Variants in TEX14 observed in about 807,000 individuals in gnomAD.
TEX14 encodes testis expressed 14, intercellular bridge forming factor, also known as inactive serine/threonine-protein kinase TEX14.
TEX14 carries 168 observed loss-of-function variants against 178.6 expected under a neutral mutation model. That is an observed-to-expected ratio of 0.94 (90% CI 0.83 to 1.07). The LOEUF (loss-of-function observed/expected upper bound fraction) is 1.07. Ranked by LOEUF, TEX14 falls within the 50% of genes least tolerant of loss-of-function variation. The pLI, the probability that TEX14 is intolerant of heterozygous loss-of-function variation, is 0.00. For missense variants in TEX14, 1,730 were observed against 1,753.6 expected (o/e 0.99, Z 0.24); for synonymous variants, 626 against 634.1 (o/e 0.99, Z 0.19).
chr17:58,661,020 A>C, intron 1 of TEX14: 2 of 1,152,426 alleles, frequency 1.7e-6, no homozygotes, highest in Non-Finnish European at 2.6e-6. Flanking sequence ...AGAAGATAAT[A>C]TTCACGAACA....
intron 10 of TEX14, among the ~76,000 whole-genome samples, chr17:58,610,615 G>A (rs1309049622): frequency 6.6e-6 from 1 of 152,224 alleles, no homozygotes; most frequent in African/African-American, 2.4e-5. Flanking sequence ...GCCAGGCGCA[G>A]TGGATCACAC....
intron 1 of TEX14, among the ~76,000 whole-genome samples, chr17:58,658,546 T>C (rs1232488264): frequency 1.8e-5 from 2 of 110,758 alleles, no homozygotes; most frequent in African/African-American, 7.5e-5. Context: ...TGCGCCACCA[T>C]GCCTGGCTAA....
intron 10 of TEX14, among the ~76,000 whole-genome samples, chr17:58,608,796 A>G (rs2045676927): frequency 6.6e-6 from 1 of 152,196 alleles, no homozygotes; most frequent in Non-Finnish European, 1.5e-5. Context: ...AAGTGACTTT[A>G]AAAGGCTAAA....
chr17:58,572,142 G>A lies in TEX14; in HGVS notation c.3512-16C>T, dbSNP rs758670215. 16 of 1,584,044 alleles carry A rather than the reference G, an allele frequency of 1.0e-5. No individual in the cohort carries two copies. Among genetic ancestry groups the A allele is most frequent in the Admixed American group, 1.7e-5 (1 of 59,348 alleles). On this transcript the variant is annotated splice_polypyrimidine_tract_variant and intron_variant, in intron 23 of 31. Coordinates refer to ENST00000349033, the MANE Select transcript of TEX14 (RefSeq NM_031272.5). ...GAAACGGACCCTGTTGGAGAAAAGC[G>A]GAAGGTTACTGTCTGAATCCTTTAT...
intron 2 of TEX14, among the ~76,000 whole-genome samples, chr17:58,637,828 TAAG>T (rs2046471350): frequency 6.6e-6 from 1 of 151,234 alleles, no homozygotes; most frequent in Non-Finnish European, 1.5e-5. Context: ...CAGTCAATCA[TAAG>T]AAGTATAGGT....
At chr17:58,558,714 C>A (rs1340390335) in intron 30 of TEX14, among the ~76,000 whole-genome samples, 1 of 152,032 alleles carries the variant, frequency 6.6e-6, no homozygotes, top group East Asian at 1.9e-4. Flanking sequence ...ATATCAGAAG[C>A]CTTCAAAATC....
chr17:58,623,062 TC>T, intron 3 of TEX14, 50 bp from the exon 4 acceptor site: 1 of 1,529,632 alleles, frequency 6.5e-7, no homozygotes, highest in Non-Finnish European at 9.0e-7. Flanking sequence ...GCTCCTGCAT[TC>T]CATGGAGCGG....
chr17:58,690,340 A>AT (rs2047674072), intron 1 of TEX14, among the ~76,000 whole-genome samples: 1 of 151,764 alleles, frequency 6.6e-6, no homozygotes, highest in Non-Finnish European at 1.5e-5. Flanking sequence ...TAATTTTTGT[A>AT]TTTTTTGTAG....
At chr17:58,639,811 C>T (rs988355089) in intron 2 of TEX14, among the ~76,000 whole-genome samples, 13 of 152,098 alleles carry the variant, frequency 8.5e-5, no homozygotes, top group African/African-American at 2.4e-4. Context: ...GTTTGACTTT[C>T]GAACGCTAGG....
At chr17:58,609,998 G>A (rs2144510828) in intron 10 of TEX14, among the ~76,000 whole-genome samples, 1 of 152,322 alleles carries the variant, frequency 6.6e-6, no homozygotes, top group East Asian at 1.9e-4. Context: ...CCCAGTGGCT[G>A]AGGCCTCACA....
Position 58,557,012 on chromosome 17 carries a change from C to G in TEX14, c.4355G>C (p.Ter1452SerextTer47). ...IVLDQSDLSD[*>S] ...AGTCCGTCTATGATCCAATTCCAAT[C>G]AGTCTGACAAGTCACTCTGATCCAG... Residue 1452 changes from the stop codon to serine, a stop_lost, in exon 32 of 32, where the codon TGA becomes TCA. Transcript: ENST00000349033. 1 of 1,613,444 alleles carries G rather than the reference C, an allele frequency of 6.2e-7. No homozygotes were observed. Among genetic ancestry groups the G allele is most frequent in the Non-Finnish European group, 8.5e-7 (1 of 1,179,336 alleles).
intron 2 of TEX14, chr17:58,631,619 C>G (rs2030682801): frequency 6.7e-6 from 1 of 149,590 alleles, no homozygotes; most frequent in Non-Finnish European, 1.5e-5. Context: ...CTATTAACAT[C>G]TGAAAAAAAA....
At chr17:58,678,683 G>A (rs944412545) in intron 1 of TEX14, among the ~76,000 whole-genome samples, 2 of 151,954 alleles carry the variant, frequency 1.3e-5, no homozygotes, top group African/African-American at 4.8e-5. Context: ...ATAGGATGGG[G>A]GAAACGGGGA....
chr17:58,587,542 T>A (rs371475025), intron 17 of TEX14, 39 bp downstream of exon 17: 5 of 1,256,812 alleles, frequency 4.0e-6, no homozygotes, highest in Non-Finnish European at 5.7e-6. Flanking sequence ...ATACTTTAAA[T>A]TTCATTTTGT....
chr17:58,643,758 G>T (rs913496572), intron 2 of TEX14, among the ~76,000 whole-genome samples: 1 of 150,712 alleles, frequency 6.6e-6, no homozygotes, highest in Non-Finnish European at 1.5e-5. Flanking sequence ...TGTAAACCCA[G>T]CTAATAGGGA....
At chr17:58,576,736 T>C (rs1291981150) in intron 21 of TEX14, among the ~76,000 whole-genome samples, 1 of 152,222 alleles carries the variant, frequency 6.6e-6, no homozygotes, top group African/African-American at 2.4e-5. Context: ...TTTTATAATT[T>C]TGTCATTTCA....
intron 10 of TEX14, among the ~76,000 whole-genome samples, chr17:58,608,730 C>T (rs1001041345): frequency 6.6e-6 from 1 of 152,230 alleles, no homozygotes; most frequent in Non-Finnish European, 1.5e-5. Flanking sequence ...CAAAGTGCCT[C>T]AGGGTATGAG....
In TEX14 at chr17:58,598,916, G is replaced by A; in HGVS notation, c.2429C>T (p.Thr810Ile). 2.5e-6 allele frequency: 4 copies of A among 1,613,640 alleles called. No homozygotes were observed. Among genetic ancestry groups the A allele is most frequent in the South Asian group, 1.1e-5 (1 of 90,992 alleles). Residue 810 changes from threonine (T) to isoleucine (I), a missense_variant, in exon 14 of 32, where the codon ACC becomes ATC. Physicochemically the swap from Thr to Ile is moderately conservative, Grantham distance 89 (BLOSUM62 -1). Coordinates refer to ENST00000349033, the MANE Select transcript of TEX14 (RefSeq NM_031272.5). ...LQLSGGQKPD[T>I]SGNYPTLPRF... is the part of the protein sequence containing the mutation. The stretch of plus-strand genomic sequence containing the variant: ...TGGTAGGGTTGGGTAGTTGCCACTG[G>A]TGTCTGGCTTCTGACCCCCTGAAAG...
chr17:58,579,644 T>A lies in TEX14; in HGVS notation c.3238+21A>T, dbSNP rs373618619. ...TTTAAGGGAAGTGATTCTCAAGGAATCTTCCCTAAGGGCTTATTACCAGAG... is the reference window on the plus strand; with the variant it reads ...TTTAAGGGAAGTGATTCTCAAGGAAACTTCCCTAAGGGCTTATTACCAGAG... On this transcript the variant is annotated intron_variant, in intron 20 of 31. Transcript: ENST00000349033. 181 of 1,599,692 alleles carry A rather than the reference T, an allele frequency of 1.1e-4. No individual in the cohort carries two copies. In the Middle Eastern group the frequency reaches 1.2e-3, roughly 10 times the overall value.
Sources: gnomAD v4.1 joint callset for allele counts (sites outside exome capture counted in the v4.1 genomes callset) on GRCh38, gnomAD v4.1.1 for gene constraint, MANE v1.5 for transcripts, NCBI Gene and HGNC (gene_info 2026-07-23, HGNC 2026-07-21) for gene names.